The following CCDC149 variants were observed in gnomAD, a reference collection of about 807,000 sequenced individuals.
CCDC149 encodes coiled-coil domain containing 149.
A neutral mutation model predicts 59.9 loss-of-function variants in CCDC149; 45 were observed. The ratio of observed to expected loss-of-function variants is 0.75; its 90% CI spans 0.59 to 0.96. CCDC149 has a LOEUF of 0.96. Among genes scored for constraint, CCDC149 ranks in the 40% least tolerant of loss-of-function variants. The pLI is 0.00. For synonymous variants in CCDC149, 245 were observed against 260.6 expected (o/e 0.94, Z 0.58); for missense variants, 584 against 664.7 (o/e 0.88, Z 1.33).
At chr4:24,866,928 C>T (rs1304944474) in intron 3 of CCDC149, among the ~76,000 whole-genome samples, 1 of 152,082 alleles carries the variant, frequency 6.6e-6, no homozygotes, top group Non-Finnish European at 1.5e-5. Flanking sequence ...CTCTACCACT[C>T]CTAAGCAGAG....
chr4:24,855,474 G>A (rs1469027336), intron 3 of CCDC149, among the ~76,000 whole-genome samples: 1 of 151,766 alleles, frequency 6.6e-6, no homozygotes, highest in Non-Finnish European at 1.5e-5. Context: ...GCTGAGGTGG[G>A]AGAATCCCTT....
At chr4:24,971,976 T>C (rs28620306) in intron 1 of CCDC149, among the ~76,000 whole-genome samples, 4,027 of 152,316 alleles carry the variant, frequency 0.026, 169 homozygotes, top group African/African-American at 0.092. Flanking sequence ...TCTTCATGAC[T>C]TGGAAGCTCT....
chr4:24,897,076 T>C (rs1720888181), intron 1 of CCDC149, among the ~76,000 whole-genome samples: 1 of 151,982 alleles, frequency 6.6e-6, no homozygotes, highest in Admixed American at 6.6e-5. Flanking sequence ...ATCCAACCCA[T>C]GGCGGCCAGG....
downstream of CCDC149, among the ~76,000 whole-genome samples, chr4:24,805,698 C>T (rs762525818): frequency 2.0e-5 from 3 of 152,148 alleles, no homozygotes; most frequent in African/African-American, 4.8e-5. Context: ...AGGTCTCATG[C>T]GACCACAAGC....
At chr4:24,882,621 T>C (rs1719916044) in intron 1 of CCDC149, among the ~76,000 whole-genome samples, 1 of 152,230 alleles carries the variant, frequency 6.6e-6, no homozygotes, top group Non-Finnish European at 1.5e-5. Context: ...AGGGTGTCTA[T>C]GGCCTTTATC....
chr4:24,934,435 C>A (rs1722677148), intron 1 of CCDC149, among the ~76,000 whole-genome samples: 2 of 152,158 alleles, frequency 1.3e-5, no homozygotes, highest in Non-Finnish European at 2.9e-5. Flanking sequence ...TTAATTAAAT[C>A]TATTTTTCTT....
intron 1 of CCDC149, among the ~76,000 whole-genome samples, chr4:24,918,915 A>G (rs1190845168): frequency 6.6e-6 from 1 of 152,186 alleles, no homozygotes; most frequent in Non-Finnish European, 1.5e-5. Flanking sequence ...GTCCTCATTC[A>G]GTCAAATTTC....
chr4:24,850,151 C>A (rs1717563947), intron 4 of CCDC149, among the ~76,000 whole-genome samples: 1 of 152,136 alleles, frequency 6.6e-6, no homozygotes, highest in Non-Finnish European at 1.5e-5. Flanking sequence ...TTTTCTCTTA[C>A]TCTTCCTTGA....
At chr4:24,881,961 G>A (rs6448309) in intron 1 of CCDC149, among the ~76,000 whole-genome samples, 140,809 of 152,224 alleles carry the variant, frequency 0.93, 65,206 homozygotes, top group African/African-American at 0.95. Context: ...TGGAACCCCA[G>A]CTCCTGAAAA....
intron 2 of CCDC149, among the ~76,000 whole-genome samples, chr4:24,876,147 A>G (rs1278918805): frequency 2.6e-5 from 4 of 152,082 alleles, no homozygotes; most frequent in Non-Finnish European, 5.9e-5. Flanking sequence ...AAACAACAGT[A>G]TATGTAGGGT....
rs189623642 is a variant in CCDC149, at chr4:24,836,439, G to A, written c.732C>T (p.Tyr244=). 6.0e-5 allele frequency: 96 copies of A among 1,602,552 alleles called. No individual in the cohort carries two copies. The East Asian group carries it at 2.0e-3, about 33-fold the overall frequency. The change falls in exon 7 of 13, where the codon TAC becomes TAT. Residue 244 remains tyrosine, a synonymous_variant. Transcript: ENST00000635206. The stretch of plus-strand genomic sequence containing the variant: ...ACTGTCATCATGATTTTGCTACCTT[G>A]TATTTGGCAATGTTTGATTTCAAGA...
chr4:24,939,530 A>C (rs1307971537), intron 1 of CCDC149, among the ~76,000 whole-genome samples: 1 of 152,246 alleles, frequency 6.6e-6, no homozygotes, highest in African/African-American at 2.4e-5. Flanking sequence ...CAGCAACGGA[A>C]CAAAGCTGGA....
intron 1 of CCDC149, among the ~76,000 whole-genome samples, chr4:24,930,020 T>G (rs532436698): frequency 6.6e-6 from 1 of 152,326 alleles, no homozygotes; most frequent in Non-Finnish European, 1.5e-5. Context: ...AAAGTGTTTA[T>G]CAAAGCCTGC....
intron 3 of CCDC149, among the ~76,000 whole-genome samples, chr4:24,864,067 G>A (rs895281960): frequency 7.9e-5 from 12 of 152,160 alleles, no homozygotes; most frequent in Non-Finnish European, 1.3e-4. Context: ...TTTCTTCATG[G>A]GACCGATTAT....
rs555284224 is a variant in CCDC149, at chr4:24,831,601, C to A, written c.870G>T (p.Pro290=). The A allele has an allele frequency of 6.2e-7, 1 of 1,613,920 alleles. No homozygotes were observed. Among genetic ancestry groups the A allele is most frequent in the Non-Finnish European group, 8.5e-7 (1 of 1,179,882 alleles). ...GAGATTTCAGGTCAGAAATGGACTG[C>A]GGAGTAGCTGGGAGGCTGCATCCAT... The change falls in exon 9 of 13, where the codon CCG becomes CCT. Residue 290 remains proline (P), a synonymous_variant. Coordinates refer to ENST00000635206, the MANE Select transcript of CCDC149 (RefSeq NM_001330643.2).
At chr4:24,843,389 C>T (rs1717058174) in intron 4 of CCDC149, among the ~76,000 whole-genome samples, 1 of 152,190 alleles carries the variant, frequency 6.6e-6, no homozygotes, top group Non-Finnish European at 1.5e-5. Context: ...TGGCACTGTA[C>T]TGGGCAACTC....
chr4:24,853,285 C>A, intron 3 of CCDC149, 106 bp from the exon 4 acceptor site: 1 of 809,542 alleles, frequency 1.2e-6, no homozygotes, highest in Non-Finnish European at 2.1e-6. Context: ...AGTTGAACCA[C>A]ACAAAGCCCG....
At chr4:24,887,284 G>A (rs1162705203) in intron 1 of CCDC149, among the ~76,000 whole-genome samples, 2 of 142,132 alleles carry the variant, frequency 1.4e-5, no homozygotes, top group African/African-American at 5.1e-5. Context: ...GTGGGGGTGG[G>A]GTGGGGGGCG....
At position 24,905,145 on chromosome 4, in the gene CCDC149, C is replaced by T. The variant is rs939662419; in HGVS notation, c.63+7672G>A. Among the ~76,000 whole-genome samples, 10 of 151,804 alleles carry T rather than the reference C, an allele frequency of 6.6e-5. No individual in the cohort carries two copies. The South Asian group carries it at 1.3e-3, about 19-fold the overall frequency. On this transcript the variant is annotated intron_variant, in intron 1 of 12. Transcript: ENST00000635206. ...TTGAACTCCTGACCTCATGATCCAC[C>T]GCCGTGGCCTCCCAAAGTGCTGGGA...
Sources: gnomAD v4.1 joint callset for allele counts (sites outside exome capture counted in the v4.1 genomes callset) on GRCh38, gnomAD v4.1.1 for gene constraint, MANE v1.5 for transcripts, NCBI Gene and HGNC (gene_info 2026-07-23, HGNC 2026-07-21) for gene names.